The following MBNL2 variants were observed in gnomAD, a reference collection of about 807,000 sequenced individuals.
MBNL2 encodes the protein muscleblind-like protein 2.
A neutral mutation model predicts 41.9 loss-of-function variants in MBNL2; 17 were observed. That is an observed-to-expected ratio of 0.41 (90% confidence interval 0.28 to 0.61). The LOEUF (loss-of-function observed/expected upper bound fraction) is 0.61. Ranked by LOEUF, MBNL2 falls within the 20% of genes least tolerant of loss-of-function variation. The pLI, the probability that MBNL2 is intolerant of heterozygous loss-of-function variation, is 0.35. For missense variants in MBNL2, 336 were observed against 505.6 expected, an observed-to-expected ratio of 0.66 and a Z score of 3.22; for synonymous variants, 195 against 182.9, an observed-to-expected ratio of 1.07 and a Z score of -0.53.
At position 97,366,594 on chromosome 13, in the gene MBNL2, C is replaced by T; in HGVS notation, c.1048+1423C>T. ...AGCTTTCTTTCACAAATCCCAAACTCTAAATGAGTGCTGATATTTAAAAAA... is the reference window on the plus strand; with the variant it reads ...AGCTTTCTTTCACAAATCCCAAACTTTAAATGAGTGCTGATATTTAAAAAA... On this transcript the variant is annotated intron_variant, in intron 8 of 8. Coordinates refer to ENST00000679496, the MANE Select transcript of MBNL2 (RefSeq NM_001382683.1). The surrounding 1 kb of genome is among the most constrained non-coding windows in gnomAD (Gnocchi z 4.7). 2 of 1,192,796 alleles carry T rather than the reference C, an allele frequency of 1.7e-6. No homozygotes were observed. The highest frequency in any genetic ancestry group is 2.5e-6 in the Non-Finnish European group (2 of 803,412). 73.9% of individuals were successfully genotyped at this position (1,192,796 alleles called of 1,614,324 possible).
At chr13:97,262,951 T>C (rs1344356011) in intron 1 of MBNL2, among the ~76,000 whole-genome samples, 2 of 152,024 alleles carry the variant, frequency 1.3e-5, no homozygotes, top group African/African-American at 2.4e-5. Flanking sequence ...TTTTAAAATT[T>C]ATTTTATTTT....
the MBNL2 span, among the ~76,000 whole-genome samples, chr13:97,198,868 A>G: frequency 6.6e-6 from 1 of 151,946 alleles, no homozygotes; most frequent in Non-Finnish European, 1.5e-5. Flanking sequence ...CTTGCCTACC[A>G]CCATAATCAA....
chr13:97,360,853 T>G (rs932690575), intron 7 of MBNL2, among the ~76,000 whole-genome samples: 2 of 152,232 alleles, frequency 1.3e-5, no homozygotes, highest in Non-Finnish European at 2.9e-5. Flanking sequence ...TTTATTTCAT[T>G]ATACTGGAAG....
intron 1 of MBNL2, among the ~76,000 whole-genome samples, chr13:97,239,003 G>A (rs1400278201): frequency 6.6e-6 from 1 of 152,228 alleles, no homozygotes; most frequent in Admixed American, 6.5e-5. Flanking sequence ...AGAGGCCTTT[G>A]CCTTGAAATG....
chr13:97,187,393 G>C, the MBNL2 span, among the ~76,000 whole-genome samples: 1 of 151,592 alleles, frequency 6.6e-6, no homozygotes, highest in East Asian at 1.9e-4. Context: ...TCACTCAAAG[G>C]CTTTTGTCTG....
chr13:97,290,056 C>A (rs35039622), intron 2 of MBNL2, among the ~76,000 whole-genome samples: 13,670 of 152,204 alleles, frequency 0.09, 691 homozygotes, highest in South Asian at 0.14. Context: ...TTCCATGTTT[C>A]TCCTATAAAA....
chr13:97,287,905 C>G (rs1444036054), intron 2 of MBNL2, among the ~76,000 whole-genome samples: 3 of 141,162 alleles, frequency 2.1e-5, no homozygotes, highest in African/African-American at 8.1e-5. Context: ...CCACCAGGCC[C>G]GGCTAATTTT....
chr13:97,353,980 T>TGTCTGATGTA (rs2062748562), intron 5 of MBNL2, among the ~76,000 whole-genome samples: 1 of 151,244 alleles, frequency 6.6e-6, no homozygotes, highest in South Asian at 2.1e-4. Flanking sequence ...TTGCCTATCA[T>TGTCTGATGTA]GTCTGATGTA....
intron 2 of MBNL2, among the ~76,000 whole-genome samples, chr13:97,319,738 T>G (rs1350014921): frequency 6.6e-6 from 1 of 152,210 alleles, no homozygotes; most frequent in African/African-American, 2.4e-5. Flanking sequence ...ACAAAAATTA[T>G]CCCAACATTT....
intron 1 of MBNL2, among the ~76,000 whole-genome samples, chr13:97,252,043 G>C (rs2046658471): frequency 6.6e-6 from 1 of 150,478 alleles, no homozygotes; most frequent in Admixed American, 6.6e-5. Context: ...GTAGAGACGG[G>C]GTTTCACCTT....
intron 1 of MBNL2, among the ~76,000 whole-genome samples, chr13:97,241,698 G>A (rs879760146): frequency 6.6e-6 from 1 of 152,308 alleles, no homozygotes; most frequent in Non-Finnish European, 1.5e-5. Flanking sequence ...ACACGCACGT[G>A]TGCAACACAG....
chr13:97,254,734 T>C (rs2047202624), intron 1 of MBNL2, among the ~76,000 whole-genome samples: 1 of 152,162 alleles, frequency 6.6e-6, no homozygotes, highest in Non-Finnish European at 1.5e-5. Context: ...AGCTATAGCA[T>C]AAATTTTTAA....
At chr13:97,285,821 C>T (rs1340018684) in intron 2 of MBNL2, among the ~76,000 whole-genome samples, 2 of 151,936 alleles carry the variant, frequency 1.3e-5, no homozygotes, top group African/African-American at 4.9e-5. Flanking sequence ...TGGTGATTCA[C>T]TCTCATCTGG....
At chr13:97,367,946 G>T (rs570155417) in intron 8 of MBNL2, among the ~76,000 whole-genome samples, 32 of 152,290 alleles carry the variant, frequency 2.1e-4, no homozygotes, top group African/African-American at 7.5e-4. Context: ...GATGGGAGAA[G>T]GGAGTGAGAC....
intron 8 of MBNL2, among the ~76,000 whole-genome samples, chr13:97,376,878 G>A (rs1357766022): frequency 6.6e-6 from 1 of 152,174 alleles, no homozygotes; most frequent in Non-Finnish European, 1.5e-5. Context: ...GAGCCCAGAT[G>A]GGCAAAGTGG....
At chr13:97,209,878 C>T in the MBNL2 span, among the ~76,000 whole-genome samples, 1 of 152,280 alleles carries the variant, frequency 6.6e-6, no homozygotes, top group Non-Finnish European at 1.5e-5. Flanking sequence ...TCATTGCAAC[C>T]TCCGCCTCCT....
chr13:97,364,838 T>A (rs771817730), intron 7 of MBNL2, among the ~76,000 whole-genome samples: 24 of 152,190 alleles, frequency 1.6e-4, no homozygotes, highest in Admixed American at 5.2e-4. Flanking sequence ...TACTTTGAGG[T>A]CTTAGAGGAA....
chr13:97,205,840 AT>A, the MBNL2 span, among the ~76,000 whole-genome samples: 1 of 152,254 alleles, frequency 6.6e-6, no homozygotes, highest in Non-Finnish European at 1.5e-5. Flanking sequence ...TGCACGACTG[AT>A]GTTAAATTCT....
At chr13:97,222,776 T>A (rs929473464) in intron 1 of MBNL2, among the ~76,000 whole-genome samples, 7 of 152,232 alleles carry the variant, frequency 4.6e-5, no homozygotes, top group Admixed American at 3.9e-4. Context: ...ATCGATTCAT[T>A]TATTATATTA....
Sources: allele counts gnomAD v4.1 joint callset (sites outside exome capture counted in the v4.1 genomes callset), GRCh38; gene constraint gnomAD v4.1.1; non-coding constraint Gnocchi (gnomAD v3.1); transcripts MANE v1.5; gene names NCBI Gene and HGNC (gene_info 2026-07-23, HGNC 2026-07-21).